Variants in FGGY observed in about 807,000 individuals in gnomAD.
FGGY encodes the protein FGGY carbohydrate kinase domain containing, also known as FGGY carbohydrate kinase domain-containing protein.
Under a neutral mutation model 71.3 loss-of-function variants are expected in FGGY, and 72 were observed. The ratio of observed to expected loss-of-function variants is 1.01; its 90% CI spans 0.84 to 1.23. The LOEUF (loss-of-function observed/expected upper bound fraction) is 1.23. Among genes scored for constraint, FGGY ranks in the 50% most tolerant of loss-of-function variants. The probability of loss-of-function intolerance (pLI) is 0.00; values close to 1 mark genes in which losing one functional copy is unlikely to be tolerated. For synonymous variants in FGGY, 251 were observed against 250.3 expected (o/e 1.00, Z -0.02); for missense variants, 668 against 682.3 (o/e 0.98, Z 0.23).
intron 1 of FGGY, among the ~76,000 whole-genome samples, chr1:59,313,933 C>T (rs1374259045): frequency 6.6e-6 from 1 of 152,096 alleles, no homozygotes; most frequent in African/African-American, 2.4e-5. Flanking sequence ...CCGAACACCA[C>T]CTGTTCCCCA....
chr1:59,714,151 T>C (rs541200913), intron 14 of FGGY, among the ~76,000 whole-genome samples: 29 of 152,294 alleles, frequency 1.9e-4, no homozygotes, highest in Admixed American at 6.5e-4. Flanking sequence ...CCAAAAAGTG[T>C]CTAGGACTCA....
At chr1:59,420,818 G>C (rs1018041246) in intron 5 of FGGY, among the ~76,000 whole-genome samples, 1 of 151,040 alleles carries the variant, frequency 6.6e-6, no homozygotes, top group African/African-American at 2.4e-5. Context: ...GACACTAACA[G>C]AAATGGGTGA....
chr1:59,553,911 C>T (rs1455232972), intron 7 of FGGY: 13 of 430,310 alleles, frequency 3.0e-5, no homozygotes, highest in Non-Finnish European at 4.2e-6. Flanking sequence ...CATACATTGA[C>T]CAGAACAAAG....
chr1:59,322,824 T>A (rs2046645342), intron 2 of FGGY, among the ~76,000 whole-genome samples: 1 of 152,212 alleles, frequency 6.6e-6, no homozygotes, highest in Non-Finnish European at 1.5e-5. Flanking sequence ...AGAGGTCCTT[T>A]TGTCTTTTTT....
At chr1:59,375,371 TC>T (rs1396725029) in intron 4 of FGGY, among the ~76,000 whole-genome samples, 1 of 151,974 alleles carries the variant, frequency 6.6e-6, no homozygotes, top group African/African-American at 2.4e-5. Flanking sequence ...AGACATTTCC[TC>T]TCATTCAGTC....
At chr1:59,697,253 T>C (rs192208903) in intron 14 of FGGY, among the ~76,000 whole-genome samples, 21 of 152,294 alleles carry the variant, frequency 1.4e-4, no homozygotes, top group Non-Finnish European at 2.8e-4. Context: ...TGGTATTAAG[T>C]TCATTCACAT....
rs76056672 is a variant in FGGY at position 59,433,848 on chromosome 1, T to C, written c.555-23113T>C. 1.8e-4 allele frequency among the ~76,000 whole-genome samples: 27 copies of C among 152,336 alleles called. No homozygotes were observed. In the East Asian group the frequency reaches 4.4e-3, roughly 25 times the overall value. On this transcript the variant is annotated intron_variant, in intron 5 of 15. Coordinates refer to ENST00000303721, the MANE Select transcript of FGGY (RefSeq NM_018291.5). Reference sequence around the variant, plus strand: ...GATGTCAGTTTTCCTTTTTAAATTCTAGATCTGTAGCATGCTTTAGGGAGG... The same window carrying C: ...GATGTCAGTTTTCCTTTTTAAATTCCAGATCTGTAGCATGCTTTAGGGAGG...
intron 2 of FGGY, 44 bp from the exon 3 acceptor site, chr1:59,339,912 AAG>A: frequency 2.6e-6 from 3 of 1,169,000 alleles, no homozygotes; most frequent in Non-Finnish European, 3.7e-6. Flanking sequence ...TCAATCTTTA[AAG>A]ACCCTGGTGT....
At chr1:59,614,485 T>A (rs1029139651) in intron 9 of FGGY, among the ~76,000 whole-genome samples, 1 of 152,198 alleles carries the variant, frequency 6.6e-6, no homozygotes. Flanking sequence ...ATTAGGTATT[T>A]ATGGGACATG....
intron 6 of FGGY, among the ~76,000 whole-genome samples, chr1:59,457,331 C>T (rs1011413400): frequency 6.6e-6 from 1 of 152,166 alleles, no homozygotes; most frequent in African/African-American, 2.4e-5. Flanking sequence ...AGAAATTGCG[C>T]TGGGCATGGT....
intron 8 of FGGY, among the ~76,000 whole-genome samples, chr1:59,570,436 C>G (rs1332633849): frequency 6.6e-6 from 1 of 152,194 alleles, no homozygotes; most frequent in African/African-American, 2.4e-5. Context: ...TTGGAGCACA[C>G]TGAGGAATCC....
chr1:59,694,137 A>C (rs1381262058), intron 14 of FGGY, among the ~76,000 whole-genome samples: 1 of 151,096 alleles, frequency 6.6e-6, no homozygotes, highest in Admixed American at 6.6e-5. Flanking sequence ...AAAATACAAA[A>C]AATTAGCTGG....
At chr1:59,658,086 C>G (rs1037936437) in intron 11 of FGGY, among the ~76,000 whole-genome samples, 1 of 152,154 alleles carries the variant, frequency 6.6e-6, no homozygotes, top group Admixed American at 6.5e-5. Context: ...TGTCACTCAG[C>G]AAATATTAAC....
chr1:59,473,547 GCA>G (rs1241040527), intron 6 of FGGY, among the ~76,000 whole-genome samples: 1 of 152,212 alleles, frequency 6.6e-6, no homozygotes, highest in Non-Finnish European at 1.5e-5. Context: ...AACAGTGCAG[GCA>G]CAGACATGGA....
intron 2 of FGGY, among the ~76,000 whole-genome samples, chr1:59,336,841 AGT>A (rs1388312052): frequency 6.6e-6 from 1 of 151,972 alleles, no homozygotes; most frequent in African/African-American, 2.4e-5. Context: ...CCATTTTACG[AGT>A]GTGACATATT....
intron 3 of FGGY, among the ~76,000 whole-genome samples, chr1:59,344,790 A>T (rs2153218083): frequency 6.6e-6 from 1 of 152,334 alleles, no homozygotes; most frequent in African/African-American, 2.4e-5. Context: ...CAAGTAAAAA[A>T]GTCTGTACAC....
At chr1:59,412,165 G>C (rs1237425232) in intron 5 of FGGY, among the ~76,000 whole-genome samples, 1 of 152,092 alleles carries the variant, frequency 6.6e-6, no homozygotes, top group East Asian at 1.9e-4. Context: ...ACTTCCTACA[G>C]TATAAGCTGA....
chr1:59,573,574 C>A (rs1209689537), intron 8 of FGGY, among the ~76,000 whole-genome samples: 1 of 151,832 alleles, frequency 6.6e-6, no homozygotes, highest in African/African-American at 2.4e-5. Flanking sequence ...TACAATAATT[C>A]TTTGTTCTAT....
chr1:59,442,248 A>G (rs2070103867), intron 5 of FGGY, among the ~76,000 whole-genome samples: 1 of 152,176 alleles, frequency 6.6e-6, no homozygotes, highest in African/African-American at 2.4e-5. Flanking sequence ...GATAATATTT[A>G]CAAGAATTTC....
Sources: allele counts gnomAD v4.1 joint callset (sites outside exome capture counted in the v4.1 genomes callset), GRCh38; gene constraint gnomAD v4.1.1; transcripts MANE v1.5; gene names NCBI Gene and HGNC (gene_info 2026-07-23, HGNC 2026-07-21).